The following PTPRG variants were observed in gnomAD, a reference collection of about 807,000 sequenced individuals.
PTPRG encodes protein tyrosine phosphatase receptor type G.
In PTPRG, 102 loss-of-function variants were observed where a neutral mutation model predicts 165.3. The observed-to-expected ratio is 0.62, with a 90% confidence interval of 0.53 to 0.73. PTPRG has a LOEUF of 0.73. Among genes scored for constraint, PTPRG ranks in the 30% least tolerant of loss-of-function variants. The pLI is 0.00. For missense variants in PTPRG, 1,866 were observed against 1,861.4 expected (o/e 1.00, Z -0.05); for synonymous variants, 675 against 669.5 (o/e 1.01, Z -0.13).
chr3:61,567,616 T>C (rs1003748675), intron 1 of PTPRG, among the ~76,000 whole-genome samples: 7 of 143,454 alleles, frequency 4.9e-5, no homozygotes, highest in Non-Finnish European at 8.9e-5. Context: ...CAGTGTACTG[T>C]GATCATGCCA....
chr3:61,973,181 C>T lies in PTPRG; in HGVS notation c.191-16444C>T, dbSNP rs75907135. 9.9e-5 allele frequency among the ~76,000 whole-genome samples: 15 copies of T among 152,250 alleles called. No individual in the cohort carries two copies. In the East Asian group the frequency reaches 1.7e-3, roughly 18 times the overall value. On this transcript the variant is annotated intron_variant, in intron 2 of 29. Transcript: ENST00000474889. ...TCCTTTGTCCAGCATCTTCTGAAAA[C>T]GGTTATTTTATATTGCAGCTTTGTC...
chr3:62,095,174 G>A (rs891047509), intron 5 of PTPRG, among the ~76,000 whole-genome samples: 12 of 152,222 alleles, frequency 7.9e-5, no homozygotes, highest in African/African-American at 2.9e-4. Context: ...CGAAGAGAGA[G>A]CACGGTGTAC....
At chr3:62,113,023 C>CA (rs980831689) in intron 5 of PTPRG, among the ~76,000 whole-genome samples, 27 of 151,454 alleles carry the variant, frequency 1.8e-4, no homozygotes, top group African/African-American at 6.1e-4. Context: ...ATTCTTGGGG[C>CA]AAAAAAAATG....
At chr3:61,889,697 G>A (rs2038154576) in intron 2 of PTPRG, among the ~76,000 whole-genome samples, 1 of 152,192 alleles carries the variant, frequency 6.6e-6, no homozygotes, top group Non-Finnish European at 1.5e-5. Context: ...CCTGTAGGTG[G>A]ATGGTTTTTA....
intron 4 of PTPRG, among the ~76,000 whole-genome samples, chr3:62,068,386 C>T (rs915996664): frequency 1.2e-4 from 19 of 152,156 alleles, no homozygotes; most frequent in African/African-American, 3.6e-4. Context: ...TAAGTTCAAT[C>T]TGACCATACT....
chr3:61,861,744 CA>C (rs1232337402), intron 2 of PTPRG, among the ~76,000 whole-genome samples: 1 of 152,156 alleles, frequency 6.6e-6, no homozygotes, highest in Non-Finnish European at 1.5e-5. Flanking sequence ...AGAGTTTCTT[CA>C]ACTGGCATGG....
chr3:61,875,953 A>G (rs947642223), intron 2 of PTPRG, among the ~76,000 whole-genome samples: 2 of 152,110 alleles, frequency 1.3e-5, no homozygotes, highest in East Asian at 1.9e-4. Context: ...TCTAGTCTCT[A>G]CTTTTGAAAA....
intron 5 of PTPRG, among the ~76,000 whole-genome samples, chr3:62,092,439 GAAAA>G (rs55955359): frequency 2.2e-5 from 2 of 89,436 alleles, no homozygotes; most frequent in Non-Finnish European, 4.1e-5. Flanking sequence ...GAGTCCATCT[GAAAA>G]AAAAAAAAAA....
intron 8 of PTPRG, among the ~76,000 whole-genome samples, chr3:62,186,567 CTT>C (rs35133425): frequency 2.3e-4 from 27 of 117,460 alleles, no homozygotes; most frequent in Admixed American, 4.3e-4. Context: ...TTTTCTTTTC[CTT>C]TTTTTTTTTT....
At chr3:61,735,544 TTC>T (rs2032686588) in intron 1 of PTPRG, among the ~76,000 whole-genome samples, 3 of 152,012 alleles carry the variant, frequency 2.0e-5, no homozygotes, top group Admixed American at 2.0e-4. Context: ...TTTTTTTTTT[TTC>T]TTTGAAATGC....
intron 1 of PTPRG, among the ~76,000 whole-genome samples, chr3:61,568,907 C>CAAA (rs34433806): frequency 7.6e-6 from 1 of 131,020 alleles, no homozygotes; most frequent in East Asian, 2.1e-4. Context: ...GACTCCGTCT[C>CAAA]AAAAAAAAAA....
intron 4 of PTPRG, among the ~76,000 whole-genome samples, chr3:62,018,437 A>G (rs540722244): frequency 6.6e-6 from 1 of 152,334 alleles, no homozygotes; most frequent in East Asian, 1.9e-4. Flanking sequence ...CCACAATGTC[A>G]GCAGGAACTG....
chr3:61,605,058 C>G (rs1314944271), intron 1 of PTPRG, among the ~76,000 whole-genome samples: 2 of 152,184 alleles, frequency 1.3e-5, no homozygotes, highest in African/African-American at 2.4e-5. Flanking sequence ...ATGCCACACT[C>G]TGTCCTTCAG....
chr3:62,025,050 G>C (rs113104863), intron 4 of PTPRG, among the ~76,000 whole-genome samples: 1 of 152,182 alleles, frequency 6.6e-6, no homozygotes. Context: ...ACCCCAGTTA[G>C]AAGGGAGAGC....
In PTPRG at chr3:62,229,627, A is replaced by C. The variant is rs1261924716; in HGVS notation, c.2289-1598A>C. The stretch of plus-strand genomic sequence containing the variant: ...GGGAAGCTCCTTGTATGTTCAGTCT[A>C]TTCTAGGTAACAACCATCTTTCTTT... On this transcript the variant is annotated intron_variant, in intron 13 of 29. Transcript: ENST00000474889. This position sits in a 1 kb window ranked among gnomAD's most constrained non-coding sequence, Gnocchi z 4.6. Among the ~76,000 whole-genome samples, 1 of 152,228 alleles carries C rather than the reference A, an allele frequency of 6.6e-6. No individual in the cohort carries two copies. The highest frequency in any genetic ancestry group is 1.5e-5 in the Non-Finnish European group (1 of 68,034).
chr3:61,801,952 G>T (rs2035258867), intron 2 of PTPRG, among the ~76,000 whole-genome samples: 1 of 150,720 alleles, frequency 6.6e-6, no homozygotes, highest in Non-Finnish European at 1.5e-5. Flanking sequence ...TTGAACCCGG[G>T]ATGTGGAGGT....
intron 2 of PTPRG, among the ~76,000 whole-genome samples, chr3:61,796,905 G>A (rs1448145254): frequency 6.6e-6 from 1 of 152,152 alleles, no homozygotes; most frequent in African/African-American, 2.4e-5. Flanking sequence ...GAGGCTGAAT[G>A]CCAGCTGTTG....
At chr3:62,260,529 T>C (rs1270522734) in intron 16 of PTPRG, among the ~76,000 whole-genome samples, 1 of 152,228 alleles carries the variant, frequency 6.6e-6, no homozygotes, top group Non-Finnish European at 1.5e-5. Flanking sequence ...CCTTCTCCTA[T>C]GCTTATGTGC....
At chr3:62,291,927 T>C (rs1702912631) in intron 28 of PTPRG, among the ~76,000 whole-genome samples, 2 of 152,190 alleles carry the variant, frequency 1.3e-5, no homozygotes, top group African/African-American at 2.4e-5. Flanking sequence ...TTATTTCATA[T>C]GAAATTAATT....
Sources: gnomAD v4.1 joint callset for allele counts (sites outside exome capture counted in the v4.1 genomes callset) on GRCh38, gnomAD v4.1.1 for gene constraint, Gnocchi (gnomAD v3.1) non-coding constraint, MANE v1.5 for transcripts, NCBI Gene and HGNC (gene_info 2026-07-23, HGNC 2026-07-21) for gene names.